Variants in DNER observed in about 807,000 individuals in gnomAD.
DNER encodes the protein delta and Notch-like epidermal growth factor-related receptor.
A neutral mutation model predicts 78.2 loss-of-function variants in DNER; 33 were observed. The observed-to-expected ratio is 0.42, with a 90% CI of 0.32 to 0.56. The LOEUF is 0.56. DNER is among the 20% of genes least tolerant of loss of function. The pLI, the probability that DNER is intolerant of heterozygous loss-of-function variation, is 0.11. For missense variants in DNER, 918 were observed against 975.3 expected (o/e 0.94, Z 0.78); for synonymous variants, 417 against 384.8 (o/e 1.08, Z -0.98).
intron 1 of DNER, among the ~76,000 whole-genome samples, chr2:229,707,601 G>A (rs900503967): frequency 7.9e-5 from 12 of 152,268 alleles, no homozygotes; most frequent in Admixed American, 1.3e-4. Context: ...ACAGTATTAC[G>A]TAGAGCCTAC....
In DNER at chr2:229,576,647, G is replaced by T. The variant is rs75664778; in HGVS notation, c.847+9211C>A. ...AAAATCATCATGCCAGAAAAGGTTT[G>T]TGGGGGGGAACGGAGAACATTCTGA... On this transcript the variant is annotated intron_variant, in intron 4 of 12. Coordinates refer to ENST00000341772, the MANE Select transcript of DNER (RefSeq NM_139072.4). Among the ~76,000 whole-genome samples the T allele has an allele frequency of 9.5e-4, 144 of 152,262 alleles. No homozygotes were observed. The East Asian group carries it at 0.022, about 23-fold the overall frequency.
intron 1 of DNER, among the ~76,000 whole-genome samples, chr2:229,648,849 G>A (rs548025355): frequency 6.6e-6 from 1 of 152,256 alleles, no homozygotes; most frequent in Admixed American, 6.5e-5. Context: ...AGTACACTTT[G>A]CCCCAGAATA....
chr2:229,509,440 T>C (rs1695817728), intron 6 of DNER, among the ~76,000 whole-genome samples: 1 of 152,260 alleles, frequency 6.6e-6, no homozygotes, highest in South Asian at 2.1e-4. Context: ...GTGTCCACAA[T>C]TTGTCAGACA....
intron 1 of DNER, among the ~76,000 whole-genome samples, chr2:229,661,653 G>T (rs1011976028): frequency 6.6e-6 from 1 of 152,192 alleles, no homozygotes; most frequent in Non-Finnish European, 1.5e-5. Context: ...GAAGCCAAAT[G>T]TTAATAAAAC....
chr2:229,453,032 C>A (rs543729882), intron 7 of DNER, among the ~76,000 whole-genome samples: 5 of 152,328 alleles, frequency 3.3e-5, no homozygotes, highest in South Asian at 4.1e-4. Context: ...TGTTAAAGAG[C>A]TTTGAACCAA....
intron 12 of DNER, among the ~76,000 whole-genome samples, chr2:229,361,935 G>A (rs1329330174): frequency 2.0e-5 from 3 of 152,064 alleles, no homozygotes; most frequent in Non-Finnish European, 2.9e-5. Context: ...AACACTTAGT[G>A]TTCATAGTAA....
intron 8 of DNER, among the ~76,000 whole-genome samples, chr2:229,432,929 TTTGTTG>T (rs906457690): frequency 1.3e-5 from 2 of 151,786 alleles, no homozygotes; most frequent in African/African-American, 4.8e-5. Flanking sequence ...TTTTTTGTGT[TTTGTTG>T]TTGTTGTTGT....
chr2:229,692,708 G>A (rs181749186), intron 1 of DNER, among the ~76,000 whole-genome samples: 3 of 152,080 alleles, frequency 2.0e-5, no homozygotes, highest in Admixed American at 2.0e-4. Flanking sequence ...TGTCTTACTT[G>A]CCAAAAAATA....
chr2:229,586,034 G>A lies in DNER; in HGVS notation c.681-10C>T. ...GGCATCTTGCCGAATCCTGGAAACA[G>A]GAATGATGTAAACAGAAAGCTCCTT... On this transcript the variant is annotated splice_polypyrimidine_tract_variant and intron_variant, in intron 3 of 12. Transcript: ENST00000341772. The A allele has an allele frequency of 6.2e-7, 1 of 1,603,198 alleles. No individual in the cohort carries two copies. The highest frequency in any genetic ancestry group is 8.5e-7 in the Non-Finnish European group (1 of 1,175,504).
At chr2:229,475,827 A>G (rs774488728) in intron 7 of DNER, among the ~76,000 whole-genome samples, 3 of 152,100 alleles carry the variant, frequency 2.0e-5, no homozygotes, top group Non-Finnish European at 2.9e-5. Context: ...CAAAAATTCC[A>G]TTTGGTCCCA....
rs907272463 is a variant in DNER at position 229,479,915 on chromosome 2, A to C, written c.1148-2662T>G. On this transcript the variant is annotated intron_variant, in intron 6 of 12. Coordinates refer to ENST00000341772, the MANE Select transcript of DNER (RefSeq NM_139072.4). ...CCGATTACAAGTGGTAGCTTCTTAG[A>C]GGCAGTGTGGCCTAAAGGATGTGGA... is the stretch of plus-strand genomic sequence containing the variant. Among the ~76,000 whole-genome samples, 4 of 152,138 alleles carry C rather than the reference A, an allele frequency of 2.6e-5. No individual in the cohort carries two copies. In the East Asian group the frequency reaches 7.7e-4, roughly 29 times the overall value.
intron 3 of DNER, chr2:229,586,953 A>G (rs1358885601): frequency 1.0e-6 from 1 of 985,282 alleles, no homozygotes; most frequent in Non-Finnish European, 1.2e-6. Context: ...AGTAACCCCC[A>G]CAAGTGAATT....
Position 229,714,176 on chromosome 2 carries a change from G to T in DNER, c.248C>A (p.Pro83His). 7.5e-7 allele frequency: 1 copy of T among 1,340,222 alleles called. No homozygotes were observed. Among genetic ancestry groups the T allele is most frequent in the Non-Finnish European group, 9.5e-7 (1 of 1,051,148 alleles). 83.0% of individuals were successfully genotyped at this position (1,340,222 alleles called of 1,614,324 possible). A position where few individuals can be genotyped will look rare whatever the true frequency, so the allele number is the denominator to read the frequency against. Reference sequence around the variant, plus strand: ...GCAGTTGGCGCCGGAGATCCCGGCGGGGCAGGTGCAGCTGTAGCCAGGCTC... The same window carrying T: ...GCAGTTGGCGCCGGAGATCCCGGCGTGGCAGGTGCAGCTGTAGCCAGGCTC... ...AGEPGYSCTC[P>H]AGISGANCQL... The change falls in exon 1 of 13, where the codon CCC becomes CAC. Residue 83 changes from proline to histidine, a missense_variant. By Grantham distance (77) the Pro-to-His change is moderately conservative. Transcript: ENST00000341772.
At chr2:229,625,275 G>A (rs1217375443) in intron 1 of DNER, among the ~76,000 whole-genome samples, 1 of 152,150 alleles carries the variant, frequency 6.6e-6, no homozygotes, top group Non-Finnish European at 1.5e-5. Context: ...TGGGAGGGGT[G>A]GCAGGAGGAA....
At chr2:229,528,210 C>T (rs13425766) in intron 5 of DNER, among the ~76,000 whole-genome samples, 10 of 152,234 alleles carry the variant, frequency 6.6e-5, no homozygotes, top group South Asian at 6.2e-4. Flanking sequence ...ACTCAAAAGA[C>T]GATGAGTGGT....
At chr2:229,432,582 T>A (rs754914508) in intron 8 of DNER, among the ~76,000 whole-genome samples, 5 of 152,230 alleles carry the variant, frequency 3.3e-5, no homozygotes, top group Non-Finnish European at 7.3e-5. Flanking sequence ...GACCTCTTAG[T>A]TACTAATAGA....
At chr2:229,678,336 A>C (rs1231691460) in intron 1 of DNER, among the ~76,000 whole-genome samples, 1 of 152,194 alleles carries the variant, frequency 6.6e-6, no homozygotes, top group African/African-American at 2.4e-5. Flanking sequence ...TTCTGATGGG[A>C]TTCTACATGC....
intron 2 of DNER, among the ~76,000 whole-genome samples, chr2:229,590,502 T>C (rs1284597749): frequency 6.6e-6 from 1 of 152,166 alleles, no homozygotes; most frequent in East Asian, 1.9e-4. Context: ...GTGGTCTGAA[T>C]GTCTGCGCCC....
In DNER at chr2:229,591,486, G is replaced by T; in HGVS notation, c.585+94C>A. 7.1e-7 allele frequency: 1 copy of T among 1,410,678 alleles called. No homozygotes were observed. Among genetic ancestry groups the T allele is most frequent in the Non-Finnish European group, 9.4e-7 (1 of 1,058,626 alleles). The allele number at this position is 1,410,678 out of a possible 1,614,324, so 87.4% of individuals were successfully genotyped here. On this transcript the variant is annotated intron_variant, in intron 2 of 12. Coordinates refer to ENST00000341772, the MANE Select transcript of DNER (RefSeq NM_139072.4). The surrounding 1 kb of genome is among the most constrained non-coding windows in gnomAD (Gnocchi z 4.6). ...TTTGCTTCGTGATTTAACTTAAAATGCTTTCATTTTTAATTGCTGATACTA... is the reference window on the plus strand; with the variant it reads ...TTTGCTTCGTGATTTAACTTAAAATTCTTTCATTTTTAATTGCTGATACTA...
Sources: gnomAD v4.1 joint callset for allele counts (sites outside exome capture counted in the v4.1 genomes callset) on GRCh38, gnomAD v4.1.1 for gene constraint, Gnocchi (gnomAD v3.1) non-coding constraint, MANE v1.5 for transcripts, NCBI Gene and HGNC (gene_info 2026-07-23, HGNC 2026-07-21) for gene names.